FBF1: variants seen among roughly 807,000 people sequenced by gnomAD.
FBF1 encodes fas-binding factor 1.
In FBF1, 119 loss-of-function variants were observed where a neutral mutation model predicts 147.2. That is an observed-to-expected ratio of 0.81 (90% CI 0.70 to 0.94). The LOEUF (loss-of-function observed/expected upper bound fraction) is 0.94, where lower values mean the gene tolerates loss of function less well. FBF1 is among the 40% of genes least tolerant of loss of function. The probability of loss-of-function intolerance (pLI) is 0.00; values close to 1 mark genes in which losing one functional copy is unlikely to be tolerated. For missense variants in FBF1, 1,449 were observed against 1,500.8 expected (o/e 0.97, Z 0.57); for synonymous variants, 601 against 609.0 (o/e 0.99, Z 0.19).
Position 75,910,856 on chromosome 17 carries a change from G to A in FBF1, c.3364-50C>T. Reference sequence around the variant, plus strand: ...GTCACCTTCCCTGAGCTGAGAGGGAGGTGGAGCCCTGGATGCTAGCTGAGC... The same window carrying A: ...GTCACCTTCCCTGAGCTGAGAGGGAAGTGGAGCCCTGGATGCTAGCTGAGC... On this transcript the variant is annotated intron_variant, in intron 29 of 29. Transcript: ENST00000636174. The surrounding 1 kb of genome is among the most constrained non-coding windows in gnomAD (Gnocchi z 4.1). 6.7e-7 allele frequency: 1 copy of A among 1,488,312 alleles called. No homozygotes were observed. Among genetic ancestry groups the A allele is most frequent in the Admixed American group, 1.9e-5 (1 of 52,302 alleles). 92.2% of individuals were successfully genotyped at this position (1,488,312 alleles called of 1,614,324 possible).
In FBF1 at chr17:75,918,031, G is replaced by A. The variant is rs1598153622; in HGVS notation, c.2286C>T (p.Ser762=). ...NSIIHQMEKF[S]SSLHELSSRV... is the part of the protein sequence containing the mutation. ...GGGAGGACAACTCGTGCAGGCTGCT[G>A]GAGAACTTCTCCATCTGGTGGATGA... is the stretch of plus-strand genomic sequence containing the variant. The change falls in exon 22 of 30, where the codon TCC becomes TCT. Residue 762 remains serine, a synonymous_variant. Transcript: ENST00000636174. This position sits in a 1 kb window ranked among gnomAD's most constrained non-coding sequence, Gnocchi z 5.8. 1 of 1,612,116 alleles carries A rather than the reference G, an allele frequency of 6.2e-7. No individual in the cohort carries two copies. The highest frequency in any genetic ancestry group is 8.5e-7 in the Non-Finnish European group (1 of 1,178,790).
chr17:75,916,238 T>A (rs1345533788), intron 23 of FBF1, among the ~76,000 whole-genome samples: 1 of 151,984 alleles, frequency 6.6e-6, no homozygotes, highest in Non-Finnish European at 1.5e-5. Flanking sequence ...GAAGATTGCT[T>A]GAGCCCAGGA....
Position 75,921,983 on chromosome 17 carries a change from A to G in FBF1, c.1488T>C (p.Thr496=). 6.4e-7 allele frequency: 1 copy of G among 1,551,550 alleles called. No homozygotes were observed. Among genetic ancestry groups the G allele is most frequent in the Non-Finnish European group, 8.7e-7 (1 of 1,146,970 alleles). The part of the protein sequence containing the change: ...HAAAGGSSGT[T]ARERPCVRPG... Reference sequence around the variant, plus strand: ...GCCTGACACACGGTCTTTCTCGTGCAGTTGTTCCAGAACTCCCTCCAGCAG... The same window carrying G: ...GCCTGACACACGGTCTTTCTCGTGCGGTTGTTCCAGAACTCCCTCCAGCAG... Residue 496 remains threonine (T), a synonymous_variant, in exon 15 of 30, where the codon ACT becomes ACC. Coordinates refer to ENST00000636174, the MANE Select transcript of FBF1 (RefSeq NM_001319193.2).
At position 75,923,523 on chromosome 17, in the gene FBF1, TGAG is replaced by T; in HGVS notation, c.1084_1086del (p.Leu362del). 6.2e-7 allele frequency: 1 copy of T among 1,605,952 alleles called. No individual in the cohort carries two copies. Among genetic ancestry groups the T allele is most frequent in the Non-Finnish European group, 8.5e-7 (1 of 1,176,552 alleles). ...GGGAACAGGTCCAAGTCCTCGTCCT[TGAG>T]GCCCAACCAGTCAGCTCCTCCCTTC... On this transcript the variant is annotated inframe_deletion, in exon 14 of 30. Coordinates refer to ENST00000636174, the MANE Select transcript of FBF1 (RefSeq NM_001319193.2). This position sits in a 1 kb window ranked among gnomAD's most constrained non-coding sequence, Gnocchi z 4.1.
In FBF1 at chr17:75,923,490, G is replaced by A. The variant is rs372800037; in HGVS notation, c.1120C>T (p.Pro374Ser). The stretch of plus-strand genomic sequence containing the variant: ...CTTTCCCGATGGGCCTCTCTGGTGG[G>A]TGAGGCAGGGAACAGGTCCAAGTCC... ...DEDLDLFPAS[P>S]TREAHRESSV... Residue 374 changes from proline to serine, a missense_variant, in exon 14 of 30, where the codon CCC becomes TCC. Coordinates refer to ENST00000636174, the MANE Select transcript of FBF1 (RefSeq NM_001319193.2). The surrounding 1 kb of genome is among the most constrained non-coding windows in gnomAD (Gnocchi z 4.1). 2 of 1,607,682 alleles carry A rather than the reference G, an allele frequency of 1.2e-6. No individual in the cohort carries two copies. Among genetic ancestry groups the A allele is most frequent in the African/African-American group, 2.7e-5 (2 of 74,984 alleles).
intron 25 of FBF1, 114 bp from the exon 26 acceptor site, chr17:75,914,412 A>T: frequency 7.0e-7 from 1 of 1,422,020 alleles, no homozygotes; most frequent in East Asian, 2.5e-5. Context: ...TGGTGGAGCC[A>T]GGGGCTTCCA....
intron 1 of FBF1, chr17:75,939,939 ATG>A (rs1009806312): frequency 6.6e-6 from 1 of 152,120 alleles, no homozygotes; most frequent in African/African-American, 2.4e-5. Flanking sequence ...CCCTGAATAC[ATG>A]TGTTTTCTTT....
At chr17:75,917,519 G>A (rs1169522719) in intron 23 of FBF1, among the ~76,000 whole-genome samples, 4 of 80 alleles carry the variant, frequency 0.05, no homozygotes, top group East Asian at 0.17. Context: ...CGGACAGGGC[G>A]TGGTGGGGGG....
chr17:75,923,241 C>T lies in FBF1; in HGVS notation c.1369G>A (p.Gly457Arg). 1 of 1,591,252 alleles carries T rather than the reference C, an allele frequency of 6.3e-7. No homozygotes were observed. The highest frequency in any genetic ancestry group is 8.6e-7 in the Non-Finnish European group (1 of 1,169,406). Residue 457 changes from glycine (G) to arginine (R), a missense_variant, in exon 14 of 30, where the codon GGG becomes AGG. Transcript: ENST00000636174. The surrounding 1 kb of genome is among the most constrained non-coding windows in gnomAD (Gnocchi z 4.1). ...SQGLAREQHA[G>R]TSEGLHLAGT... Reference sequence around the variant, plus strand: ...GCCAAATGCAGGCCCTCAGAGGTCCCAGCATGCTGCTCTCTGGCCAGGCCT... The same window carrying T: ...GCCAAATGCAGGCCCTCAGAGGTCCTAGCATGCTGCTCTCTGGCCAGGCCT...
Position 75,914,832 on chromosome 17 carries a change from A to G in FBF1, c.2729T>C (p.Leu910Pro). The stretch of plus-strand genomic sequence containing the variant: ...CTCGCGCTCGGCCCGCTCCTTACTC[A>G]GCTTTTGCTGCGCGGAGAACTCCGC... ...EWAEFSAQQK[L>P]SKERAEREAE... is the part of the protein sequence containing the mutation. Residue 910 changes from leucine (L) to proline (P), a missense_variant, in exon 25 of 30, where the codon CTG (leucine) becomes CCG (proline). Coordinates refer to ENST00000636174, the MANE Select transcript of FBF1 (RefSeq NM_001319193.2). 6.2e-7 allele frequency: 1 copy of G among 1,602,696 alleles called. No homozygotes were observed. Among genetic ancestry groups the G allele is most frequent in the East Asian group, 2.2e-5 (1 of 44,496 alleles).
Position 75,912,317 on chromosome 17 carries a change from C to T in FBF1, c.3248-10G>A, listed in dbSNP as rs200131497. ...GCAGGAGGCATGAGGGCTGAAAAGGCCAAGGAGGAAGTCAGGGACCAAAGT... is the reference window on the plus strand; with the variant it reads ...GCAGGAGGCATGAGGGCTGAAAAGGTCAAGGAGGAAGTCAGGGACCAAAGT... On this transcript the variant is annotated splice_polypyrimidine_tract_variant and intron_variant, in intron 28 of 29. Transcript: ENST00000636174. The T allele has an allele frequency of 3.8e-5, 59 of 1,567,320 alleles. No homozygotes were observed. The African/African-American group carries it at 4.1e-4, about 11-fold the overall frequency.
rs1353754384 is a variant in FBF1, at chr17:75,913,997, C to T, written c.3045G>A (p.Gln1015=). 1 of 1,575,134 alleles carries T rather than the reference C, an allele frequency of 6.3e-7. No individual in the cohort carries two copies. The highest frequency in any genetic ancestry group is 8.6e-7 in the Non-Finnish European group (1 of 1,167,718). The part of the protein sequence containing the change: ...EGERALREAQ[Q]VQAEQQARLQ... ...ACCGGGCCTGCTGCTCTGCCTGCAC[C>T]TGCTGGGCCTCGCGCAATGCCCGCT... is the stretch of plus-strand genomic sequence containing the variant. The change falls in exon 27 of 30, where the codon CAG becomes CAA. Residue 1015 remains glutamine (Q), a synonymous_variant. Transcript: ENST00000636174.
At position 75,926,095 on chromosome 17, in the gene FBF1, A is replaced by G; in HGVS notation, c.803T>C (p.Leu268Pro). ...LLGRGMATKL[L>P]ARPGTGEHRE... ...GTGCTCCCCGGTGCCCGGGCGGGCC[A>G]GGAGTTTGGTGGCCATGCCTCGACC... The change falls in exon 12 of 30, where the codon CTG becomes CCG. Residue 268 changes from leucine to proline, a missense_variant. Physicochemically the swap from Leu to Pro is moderately conservative, Grantham distance 98. Coordinates refer to ENST00000636174, the MANE Select transcript of FBF1 (RefSeq NM_001319193.2). 1 of 1,612,316 alleles carries G rather than the reference A, an allele frequency of 6.2e-7. No individual in the cohort carries two copies. Among genetic ancestry groups the G allele is most frequent in the South Asian group, 1.1e-5 (1 of 90,930 alleles).
At chr17:75,937,137 C>A (rs374906071) in intron 3 of FBF1, among the ~76,000 whole-genome samples, 6 of 151,896 alleles carry the variant, frequency 4.0e-5, no homozygotes, top group Admixed American at 6.6e-5. Context: ...AGGCTGCCTA[C>A]GGAATAATGG....
rs1238661862 is a variant in FBF1 at position 75,935,676 on chromosome 17, G to C, written c.32-3C>G. On this transcript the variant is annotated splice_region_variant and splice_polypyrimidine_tract_variant and intron_variant, in intron 3 of 29. Coordinates refer to ENST00000636174, the MANE Select transcript of FBF1 (RefSeq NM_001319193.2). ...ACCAAGAAAATCATCAATGGAGCCT[G>C]GAACAGAAAAGGGACTGTCATGACT... is the stretch of plus-strand genomic sequence containing the variant. 6.5e-7 allele frequency: 1 copy of C among 1,536,816 alleles called. No homozygotes were observed. Among genetic ancestry groups the C allele is most frequent in the Non-Finnish European group, 8.7e-7 (1 of 1,146,778 alleles).
chr17:75,917,587 A>G, intron 23 of FBF1, 145 bp downstream of exon 23: 1 of 732,646 alleles, frequency 1.4e-6, no homozygotes, highest in South Asian at 1.8e-5. Context: ...TGGCCAGGGC[A>G]GGGAGATGTA....
chr17:75,930,660 C>T (rs927274230), intron 6 of FBF1, among the ~76,000 whole-genome samples: 1 of 152,124 alleles, frequency 6.6e-6, no homozygotes, highest in Non-Finnish European at 1.5e-5. Flanking sequence ...CACGGTGGGT[C>T]AGCCTGTAAT....
chr17:75,916,962 C>T (rs2065492714), intron 23 of FBF1, among the ~76,000 whole-genome samples: 1 of 152,226 alleles, frequency 6.6e-6, no homozygotes, highest in Non-Finnish European at 1.5e-5. Flanking sequence ...GCGATTCTCC[C>T]ACCTCAGCCT....
At chr17:75,935,555 C>T (rs980928177) in intron 4 of FBF1, 77 bp downstream of exon 4, 10 of 1,425,582 alleles carry the variant, frequency 7.0e-6, no homozygotes, top group Admixed American at 2.3e-5. Flanking sequence ...AGCTTGGGAC[C>T]AGCCTGGGCA....
Sources: gnomAD v4.1 joint callset for allele counts (sites outside exome capture counted in the v4.1 genomes callset) on GRCh38, gnomAD v4.1.1 for gene constraint, Gnocchi (gnomAD v3.1) non-coding constraint, MANE v1.5 for transcripts, NCBI Gene and HGNC (gene_info 2026-07-23, HGNC 2026-07-21) for gene names.